Variants in DIS3L2 observed in about 807,000 individuals in gnomAD.
DIS3L2 encodes DIS3 like 3'-5' exoribonuclease 2.
A neutral mutation model predicts 97.5 loss-of-function variants in DIS3L2; 34 were observed. The ratio of observed to expected loss-of-function variants is 0.35; its 90% CI spans 0.27 to 0.46. The LOEUF is 0.46. DIS3L2 is among the 20% of genes least tolerant of loss of function. The pLI is 1.00. For missense variants in DIS3L2, 1,038 were observed against 1,146.0 expected, an observed-to-expected ratio of 0.91 and a Z score of 1.36; for synonymous variants, 435 against 445.2, an observed-to-expected ratio of 0.98 and a Z score of 0.29.
intron 13 of DIS3L2, among the ~76,000 whole-genome samples, chr2:232,274,677 T>G (rs903424687): frequency 6.6e-6 from 1 of 152,228 alleles, no homozygotes. Context: ...TAAGTAAATA[T>G]CATGGATCAG....
At chr2:232,000,678 C>CTCTTTCTG (rs542141763) in intron 1 of DIS3L2, among the ~76,000 whole-genome samples, 2 of 125,232 alleles carry the variant, frequency 1.6e-5, no homozygotes, top group East Asian at 2.2e-4. Context: ...CTCTCTTTCT[C>CTCTTTCTG]TCTTTCTGTC....
At chr2:232,249,375 C>T (rs1337739210) in intron 12 of DIS3L2, 29 bp downstream of exon 12, 1 of 1,604,714 alleles carries the variant, frequency 6.2e-7, no homozygotes, top group Admixed American at 1.7e-5. Context: ...TCTTTCTCCA[C>T]TTACCTCTTT....
At chr2:232,004,005 T>C (rs1279339293) in intron 1 of DIS3L2, among the ~76,000 whole-genome samples, 2 of 152,188 alleles carry the variant, frequency 1.3e-5, no homozygotes, top group Non-Finnish European at 2.9e-5. Flanking sequence ...AAATCTGGGA[T>C]GTTTTTAGCC....
At chr2:232,145,292 T>C (rs1045376987) in intron 8 of DIS3L2, among the ~76,000 whole-genome samples, 6 of 152,312 alleles carry the variant, frequency 3.9e-5, no homozygotes, top group Middle Eastern at 3.4e-3. Flanking sequence ...GAAGAATAGA[T>C]GTTTGAAGTT....
chr2:232,226,403 G>A (rs964732477), intron 10 of DIS3L2, among the ~76,000 whole-genome samples: 16 of 152,170 alleles, frequency 1.1e-4, no homozygotes, highest in African/African-American at 3.6e-4. Context: ...TAACCTCTCT[G>A]AGTCTGAATG....
chr2:232,246,030 TAG>T (rs1229944401), intron 11 of DIS3L2, among the ~76,000 whole-genome samples: 3 of 152,180 alleles, frequency 2.0e-5, no homozygotes, highest in South Asian at 2.1e-4. Context: ...GCATCAGGTG[TAG>T]AGAGAGACAG....
intron 1 of DIS3L2, among the ~76,000 whole-genome samples, chr2:231,989,775 C>T (rs1034673799): frequency 6.6e-6 from 1 of 152,102 alleles, no homozygotes; most frequent in African/African-American, 2.4e-5. Context: ...GTTGAGGCTA[C>T]AGTGAGCTGT....
intron 3 of DIS3L2, among the ~76,000 whole-genome samples, chr2:232,017,025 ACTAT>A (rs1301198005): frequency 4.6e-5 from 7 of 151,522 alleles, no homozygotes; most frequent in African/African-American, 1.7e-4. Flanking sequence ...AAGAAAGAAA[ACTAT>A]CTTTTAAAAA....
intron 5 of DIS3L2, among the ~76,000 whole-genome samples, chr2:232,043,856 ACTG>A (rs1235827440): frequency 1.3e-5 from 2 of 152,194 alleles, no homozygotes; most frequent in South Asian, 4.1e-4. Context: ...GCTGCTTGCT[ACTG>A]CTATTGTTCA....
intron 8 of DIS3L2, among the ~76,000 whole-genome samples, chr2:232,155,175 C>T (rs922662714): frequency 1.3e-5 from 2 of 151,646 alleles, no homozygotes; most frequent in Admixed American, 6.6e-5. Context: ...GCGTCGCTCA[C>T]GCTGGGAGCT....
chr2:232,172,600 T>C (rs1159864813), intron 9 of DIS3L2: 2 of 468,854 alleles, frequency 4.3e-6, no homozygotes, highest in Non-Finnish European at 9.1e-6. Context: ...GCTATGAATA[T>C]TTGTGTACAG....
At chr2:232,334,882 C>T (rs1222283390) in intron 19 of DIS3L2, 147 bp downstream of exon 19, 1 of 656,264 alleles carries the variant, frequency 1.5e-6, no homozygotes, top group Non-Finnish European at 2.6e-6. Flanking sequence ...CTGAGACGCC[C>T]AGCTCTCCCA....
intron 9 of DIS3L2, among the ~76,000 whole-genome samples, chr2:232,172,139 GTC>G (rs3072160): frequency 0.13 from 19,123 of 152,166 alleles, 1,657 homozygotes; most frequent in South Asian, 0.36. Context: ...GGGTGGCAAA[GTC>G]TGTTTTTTAT....
chr2:231,971,548 C>T (rs1559503978), intron 1 of DIS3L2, among the ~76,000 whole-genome samples: 1 of 151,954 alleles, frequency 6.6e-6, no homozygotes, highest in African/African-American at 2.4e-5. Flanking sequence ...CCCAGGTTCA[C>T]GCCATTCTCC....
chr2:232,329,785 T>TCCCGGGCCCCCC, intron 14 of DIS3L2, 28 bp from the exon 15 acceptor site: 2 of 967,144 alleles, frequency 2.1e-6, no homozygotes, highest in Non-Finnish European at 1.5e-6. Flanking sequence ...ACCCCAGCGG[T>TCCCGGGCCCCCC]CCCTCCCATC....
intron 3 of DIS3L2, among the ~76,000 whole-genome samples, chr2:232,018,930 T>G (rs1245231000): frequency 5.8e-4 from 89 of 152,184 alleles, no homozygotes; most frequent in Non-Finnish European, 4.4e-5. Flanking sequence ...CATTTCTCTC[T>G]TCATAGGTAG....
chr2:231,969,503 G>C (rs554931140), intron 1 of DIS3L2, among the ~76,000 whole-genome samples: 4 of 151,944 alleles, frequency 2.6e-5, no homozygotes, highest in Non-Finnish European at 5.9e-5. Context: ...TCGAGACGGG[G>C]TTTCACCATG....
At chr2:231,966,370 ATG>A (rs1692715388) in intron 1 of DIS3L2, among the ~76,000 whole-genome samples, 2 of 152,040 alleles carry the variant, frequency 1.3e-5, no homozygotes, top group African/African-American at 4.8e-5. Context: ...GGGTTTCACC[ATG>A]TTGGCCAGGC....
At chr2:232,012,587 C>T (rs114289377) in intron 1 of DIS3L2, among the ~76,000 whole-genome samples, 2,119 of 151,854 alleles carry the variant, frequency 0.014, 52 homozygotes, top group African/African-American at 0.044. Flanking sequence ...TGGTAGCATA[C>T]CCTGATCATG....
Sources: gnomAD v4.1 joint callset for allele counts (sites outside exome capture counted in the v4.1 genomes callset) on GRCh38, gnomAD v4.1.1 for gene constraint, MANE v1.5 for transcripts, NCBI Gene and HGNC (gene_info 2026-07-23, HGNC 2026-07-21) for gene names.